The following ARK2C variants were observed in gnomAD, a reference collection of about 807,000 sequenced individuals.
ARK2C encodes the protein arkadia (RNF111) C-terminal like ring finger ubiquitin ligase 2C, also known as E3 ubiquitin-protein ligase ARK2C.
At chr18:46,390,723 A>G in the ARK2C span, among the ~76,000 whole-genome samples, 1 of 152,164 alleles carries the variant, frequency 6.6e-6, no homozygotes, top group South Asian at 2.1e-4. Flanking sequence ...AAATGTGGGA[A>G]GGCGGTGGCT....
chr18:46,369,633 C>G, the ARK2C span, among the ~76,000 whole-genome samples: 2 of 151,954 alleles, frequency 1.3e-5, no homozygotes, highest in Admixed American at 6.5e-5. Context: ...GGAGACAGCT[C>G]CTTGCTGGAG....
the ARK2C span, among the ~76,000 whole-genome samples, chr18:46,427,460 G>A: frequency 1.3e-5 from 2 of 152,212 alleles, no homozygotes; most frequent in African/African-American, 4.8e-5. Context: ...GAGGCAGGCA[G>A]CTGCACGTTC....
the ARK2C span, chr18:46,386,814 C>G: frequency 6.6e-6 from 1 of 152,240 alleles, no homozygotes; most frequent in African/African-American, 2.4e-5. Flanking sequence ...CACTTCTCAT[C>G]ACTTCCTCCT....
the ARK2C span, among the ~76,000 whole-genome samples, chr18:46,351,429 A>T: frequency 6.6e-6 from 1 of 152,178 alleles, no homozygotes; most frequent in African/African-American, 2.4e-5. Context: ...GAGCTGGCAA[A>T]TAATAGACCT....
the ARK2C span, among the ~76,000 whole-genome samples, chr18:46,447,068 A>G: frequency 6.6e-6 from 1 of 152,188 alleles, no homozygotes; most frequent in African/African-American, 2.4e-5. Context: ...AAGCAAAATG[A>G]ATTTTTCTAT....
the ARK2C span, chr18:46,450,413 G>A: frequency 6.4e-7 from 1 of 1,570,788 alleles, no homozygotes; most frequent in Admixed American, 1.7e-5. Context: ...ATGTTGCTCT[G>A]TCTGGTACCA....
chr18:46,354,818 C>T, the ARK2C span, among the ~76,000 whole-genome samples: 1 of 152,208 alleles, frequency 6.6e-6, no homozygotes, highest in Non-Finnish European at 1.5e-5. Flanking sequence ...TTTGTGTGTG[C>T]TCCATACACA....
chr18:46,382,653 C>T, the ARK2C span, among the ~76,000 whole-genome samples: 1,867 of 152,304 alleles, frequency 0.012, 17 homozygotes, highest in East Asian at 0.053. Context: ...TGTCTATTGT[C>T]CATCTCCTCT....
chr18:46,398,769 G>A, the ARK2C span, among the ~76,000 whole-genome samples: 17,403 of 151,910 alleles, frequency 0.11, 1,196 homozygotes, highest in East Asian at 0.28. Context: ...CCAAATACTC[G>A]GGCTCCTCCC....
chr18:46,446,131 A>C, the ARK2C span, among the ~76,000 whole-genome samples: 1 of 152,354 alleles, frequency 6.6e-6, no homozygotes, highest in Admixed American at 6.5e-5. Context: ...CTTCCACCAG[A>C]GAGCACTACT....
At chr18:46,363,923 CT>C in the ARK2C span, among the ~76,000 whole-genome samples, 41 of 145,860 alleles carry the variant, frequency 2.8e-4, no homozygotes, top group Non-Finnish European at 3.5e-4. Flanking sequence ...TTTTTCTTTT[CT>C]TTTTTTTTCT....
chr18:46,428,800 A>G, the ARK2C span, among the ~76,000 whole-genome samples: 1 of 152,164 alleles, frequency 6.6e-6, no homozygotes, highest in Non-Finnish European at 1.5e-5. Context: ...ATTAATTTCA[A>G]CTGTTTCTTT....
chr18:46,336,015 G>A, the ARK2C span: 3 of 985,300 alleles, frequency 3.0e-6, no homozygotes, highest in East Asian at 2.3e-4. Context: ...TTAAGCGGCA[G>A]TATCCCCTAT....
the ARK2C span, among the ~76,000 whole-genome samples, chr18:46,355,032 C>T: frequency 6.6e-6 from 1 of 152,134 alleles, no homozygotes; most frequent in African/African-American, 2.4e-5. Flanking sequence ...TCACTGCAGC[C>T]TCCACCTCCC....
At chr18:46,368,866 G>A in the ARK2C span, among the ~76,000 whole-genome samples, 1 of 152,248 alleles carries the variant, frequency 6.6e-6, no homozygotes, top group Admixed American at 6.5e-5. Flanking sequence ...ACCTGATAGA[G>A]TGGTTGGGAG....
the ARK2C span, chr18:46,334,232 C>T: frequency 1.7e-5 from 23 of 1,382,846 alleles, no homozygotes; most frequent in African/African-American, 3.3e-4. This position sits in a 1 kb window ranked among gnomAD's most constrained non-coding sequence, Gnocchi z 4.4. Flanking sequence ...CCACAAAGGG[C>T]CCGCGCGCAG....
the ARK2C span, among the ~76,000 whole-genome samples, chr18:46,432,549 A>C: frequency 6.6e-6 from 1 of 152,194 alleles, no homozygotes; most frequent in African/African-American, 2.4e-5. Flanking sequence ...TTAAAAAGGT[A>C]GTAGGGTCAG....
chr18:46,365,950 A>T, the ARK2C span, among the ~76,000 whole-genome samples: 1 of 152,204 alleles, frequency 6.6e-6, no homozygotes, highest in Admixed American at 6.5e-5. Context: ...GAAAAGTCAC[A>T]TCTTGTGAAC....
At chr18:46,387,402 C>G in the ARK2C span, among the ~76,000 whole-genome samples, 1 of 152,152 alleles carries the variant, frequency 6.6e-6, no homozygotes, top group Non-Finnish European at 1.5e-5. Context: ...ACAGTGCAGG[C>G]CTTTGGGAGT....
Sources: allele counts gnomAD v4.1 joint callset (sites outside exome capture counted in the v4.1 genomes callset), GRCh38; gene constraint gnomAD v4.1.1; non-coding constraint Gnocchi (gnomAD v3.1); transcripts MANE v1.5; gene names NCBI Gene and HGNC (gene_info 2026-07-23, HGNC 2026-07-21).